Variants in TMEM82 observed in about 807,000 individuals in gnomAD.
TMEM82 encodes the protein transmembrane protein 82.
Under a neutral mutation model 29.2 loss-of-function variants are expected in TMEM82, and 30 were observed. The observed-to-expected ratio is 1.03, with a 90% CI of 0.77 to 1.39. The LOEUF (loss-of-function observed/expected upper bound fraction) is 1.39, where lower values mean the gene tolerates loss of function less well. Ranked by LOEUF, TMEM82 falls within the 40% of genes most tolerant of loss-of-function variation. TMEM82 has a pLI of 0.00. For synonymous variants in TMEM82, 221 were observed against 225.4 expected, an observed-to-expected ratio of 0.98 and a Z score of 0.18; for missense variants, 442 against 447.7, an observed-to-expected ratio of 0.99 and a Z score of 0.12.
At position 15,742,629 on chromosome 1, in the gene TMEM82, C is replaced by T. The variant is rs1449077999; in HGVS notation, c.70C>T (p.Leu24Phe). ...CTCCCTCGAGTGGGGCTCTAGCCTC[C>T]TTGACTCCCTCCTGCAAGGTGAGCA... ...LPSLEWGSSL[L>F]DSLLQGLIGA... Residue 24 changes from leucine (L) to phenylalanine (F), a missense_variant, in exon 1 of 6, where the codon CTT (leucine) becomes TTT (phenylalanine). Leu to Phe is a conservative substitution (Grantham distance 22, BLOSUM62 0). Transcript: ENST00000375782. 2 of 1,610,040 alleles carry T rather than the reference C, an allele frequency of 1.2e-6. No individual in the cohort carries two copies. The highest frequency in any genetic ancestry group is 1.7e-6 in the Non-Finnish European group (2 of 1,179,428).
At chr1:15,742,809 T>TCG (rs755322239) in intron 1 of TMEM82, 26 bp from the exon 2 acceptor site, 1 of 1,605,884 alleles carries the variant, frequency 6.2e-7, no homozygotes, top group Non-Finnish European at 8.5e-7. Context: ...GCACGCTGCC[T>TCG]CGCTGCCTCC....
Position 15,742,882 on chromosome 1 carries a change from G to A in TMEM82, c.136G>A (p.Val46Ile). 2 of 1,612,842 alleles carry A rather than the reference G, an allele frequency of 1.2e-6. No individual in the cohort carries two copies. Among genetic ancestry groups the A allele is most frequent in the Non-Finnish European group, 1.7e-6 (2 of 1,179,950 alleles). Reference protein sequence around the residue: ...GVLVLNSLLKVYFFVGCANDP... With the variant: ...GVLVLNSLLKIYFFVGCANDP... ...CTTGGTCCTGAACAGCCTCCTGAAA[G>A]TTTACTTCTTCGTGGGCTGTGCCAA... Residue 46 changes from valine to isoleucine, a missense_variant, in exon 2 of 6, where the codon GTT becomes ATT. Coordinates refer to ENST00000375782, the MANE Select transcript of TMEM82 (RefSeq NM_001013641.3).
chr1:15,747,767 C>G lies in TMEM82; in HGVS notation c.*135C>G, dbSNP rs1038252964. On this transcript the variant is annotated 3_prime_UTR_variant, in exon 6 of 6. Transcript: ENST00000375782. ...CAGAGCTCAGCACAGGCCCTGGGAG[C>G]CCCGAGAAGGGAAGGCAGGATTTGG... 3 of 729,406 alleles carry G rather than the reference C, an allele frequency of 4.1e-6. No individual in the cohort carries two copies. The East Asian group carries it at 9.3e-5, about 23-fold the overall frequency. The allele number at this position is 729,406 out of a possible 1,614,324, so 45.2% of individuals were successfully genotyped here.
Position 15,743,015 on chromosome 1 carries a change from C to A in TMEM82, c.162-5C>A. The A allele has an allele frequency of 1.9e-6, 3 of 1,598,706 alleles. No homozygotes were observed. The highest frequency in any genetic ancestry group is 1.7e-6 in the Non-Finnish European group (2 of 1,172,044). ...CCCCTGCCCACACCCATTCTGTCCC[C>A]AAAGTGACCCGCAGCGGCGACCCGA... On this transcript the variant is annotated splice_region_variant and splice_polypyrimidine_tract_variant and intron_variant, in intron 2 of 5. Transcript: ENST00000375782.
At position 15,742,616 on chromosome 1, in the gene TMEM82, G is replaced by A; in HGVS notation, c.57G>A (p.Trp19Ter). The change falls in exon 1 of 6, where the codon TGG becomes TGA. Residue 19 changes from tryptophan (W) to a stop codon, truncating the protein, a stop_gained. Coordinates refer to ENST00000375782, the MANE Select transcript of TMEM82 (RefSeq NM_001013641.3). LOFTEE classifies it high-confidence loss of function. ...TCCCCGGCCTCCCCTCCCTCGAGTG[G>A]GGCTCTAGCCTCCTTGACTCCCTCC... is the stretch of plus-strand genomic sequence containing the variant. The part of the protein sequence containing the change: ...SWLPGLPSLE[W>*]GSSLLDSLLQ... 6.2e-7 allele frequency: 1 copy of A among 1,609,106 alleles called. No homozygotes were observed. The highest frequency in any genetic ancestry group is 8.5e-7 in the Non-Finnish European group (1 of 1,178,840).
At chr1:15,743,303 C>T (rs1432316563) in intron 3 of TMEM82, 109 bp downstream of exon 3, 10 of 1,300,254 alleles carry the variant, frequency 7.7e-6, no homozygotes, top group South Asian at 1.5e-5. Context: ...GCCTCTTCGC[C>T]GTATTTTCCG....
In TMEM82 at chr1:15,744,174, C is replaced by T. The variant is rs764636885; in HGVS notation, c.351C>T (p.Ala117=). 18 of 1,562,944 alleles carry T rather than the reference C, an allele frequency of 1.2e-5. No individual in the cohort carries two copies. Among genetic ancestry groups the T allele is most frequent in the Middle Eastern group, 2.3e-4 (1 of 4,390 alleles). ...ACTCCCCGCAGGGCTCCCAGGGTGC[C>T]GCCGAGAGGCTGCAGCTCTACCTGC... ...LLSLGKGSQG[A]AERLQLYLLC... The change falls in exon 4 of 6, where the codon GCC becomes GCT. Residue 117 remains alanine (A), a synonymous_variant. Coordinates refer to ENST00000375782, the MANE Select transcript of TMEM82 (RefSeq NM_001013641.3). The surrounding 1 kb of genome is among the most constrained non-coding windows in gnomAD (Gnocchi z 5.2).
In TMEM82 at chr1:15,746,842, G is replaced by A. The variant is rs770831966; in HGVS notation, c.758-25G>A. The A allele has an allele frequency of 1.5e-5, 23 of 1,539,672 alleles. No individual in the cohort carries two copies. The South Asian group carries it at 2.1e-4, about 14-fold the overall frequency. ...TCCAGTCCGGGGTGTGTGGTCGGAC[G>A]GTGACAGGCACCCGCATCCCACAGA... On this transcript the variant is annotated intron_variant, in intron 4 of 5. Transcript: ENST00000375782.
At position 15,745,665 on chromosome 1, in the gene TMEM82, G is replaced by T. The variant is rs550624135; in HGVS notation, c.757+1085G>T. 1.4e-4 allele frequency among the ~76,000 whole-genome samples: 22 copies of T among 152,082 alleles called. No homozygotes were observed. The East Asian group carries it at 4.3e-3, about 30-fold the overall frequency. ...CCCAGCACTTTGGGAGGCTAAGGCA[G>T]GTGGATCACCTGAGGTCAGGAGTTT... On this transcript the variant is annotated intron_variant, in intron 4 of 5. Transcript: ENST00000375782.
Position 15,743,017 on chromosome 1 carries a change from A to G in TMEM82, c.162-3A>G, listed in dbSNP as rs2068303239. On this transcript the variant is annotated splice_region_variant and splice_polypyrimidine_tract_variant and intron_variant, in intron 2 of 5. Transcript: ENST00000375782. ...CCTGCCCACACCCATTCTGTCCCCA[A>G]AGTGACCCGCAGCGGCGACCCGAAA... The G allele has an allele frequency of 1.0e-5, 16 of 1,598,742 alleles. No homozygotes were observed. The highest frequency in any genetic ancestry group is 3.4e-5 in the Admixed American group (2 of 58,862).
chr1:15,746,375 T>G (rs1328661222), intron 4 of TMEM82, among the ~76,000 whole-genome samples: 1 of 141,644 alleles, frequency 7.1e-6, no homozygotes, highest in Middle Eastern at 3.3e-3. Context: ...ATCATGCCAC[T>G]GCACTCCAGC....
rs756809003 is a variant in TMEM82, at chr1:15,747,660, T to C, written c.*28T>C. ...TGCCTCAGGGAGGATCTGGAGTCTG[T>C]CTCAAGCCCACTAGCCTGATCTCCG... On this transcript the variant is annotated 3_prime_UTR_variant, in exon 6 of 6. Transcript: ENST00000375782. 1 of 1,599,460 alleles carries C rather than the reference T, an allele frequency of 6.3e-7. No homozygotes were observed. Among genetic ancestry groups the C allele is most frequent in the Non-Finnish European group, 8.6e-7 (1 of 1,167,636 alleles).
Position 15,746,977 on chromosome 1 carries a change from G to A in TMEM82, c.868G>A (p.Gly290Ser), listed in dbSNP as rs201249675. ...LTVGRWLDLL[G>S]ILVSLLGELW... ...TGTGGGTCGCTGGCTGGACCTGCTG[G>A]GCATCCTTGTCTCCCTACTGGGCGA... The change falls in exon 5 of 6, where the codon GGC (glycine) becomes AGC (serine). Residue 290 changes from glycine to serine, a missense_variant. Gly to Ser is a moderately conservative substitution (Grantham distance 56). Coordinates refer to ENST00000375782, the MANE Select transcript of TMEM82 (RefSeq NM_001013641.3). The A allele has an allele frequency of 1.9e-6, 3 of 1,612,130 alleles. No homozygotes were observed. The East Asian group carries it at 6.7e-5, about 36-fold the overall frequency.
At position 15,747,758 on chromosome 1, in the gene TMEM82, C is replaced by A. The variant is rs374202323; in HGVS notation, c.*126C>A. 2 of 776,958 alleles carry A rather than the reference C, an allele frequency of 2.6e-6. No homozygotes were observed. The highest frequency in any genetic ancestry group is 3.9e-6 in the Non-Finnish European group (2 of 507,120). 48.1% of individuals were successfully genotyped at this position (776,958 alleles called of 1,614,324 possible). ...CCTCCTGCCCAGAGCTCAGCACAGG[C>A]CCTGGGAGCCCCGAGAAGGGAAGGC... On this transcript the variant is annotated 3_prime_UTR_variant, in exon 6 of 6. Transcript: ENST00000375782.
chr1:15,742,804 C>T (rs1319480455), intron 1 of TMEM82, 31 bp from the exon 2 acceptor site: 1 of 1,604,524 alleles, frequency 6.2e-7, no homozygotes, highest in South Asian at 1.1e-5. Flanking sequence ...CCCCTGCACG[C>T]TGCCTCGCTG....
At chr1:15,746,381 C>T (rs557502019) in intron 4 of TMEM82, among the ~76,000 whole-genome samples, 1 of 148,824 alleles carries the variant, frequency 6.7e-6, no homozygotes, top group South Asian at 2.1e-4. Flanking sequence ...CCACTGCACT[C>T]CAGCCTGGGC....
In TMEM82 at chr1:15,744,530, T is replaced by G. The variant is rs141258276; in HGVS notation, c.707T>G (p.Phe236Cys). ...CTGACCACCTCGGAGGCCATGCGGT[T>G]CTGGACACCGCTCACCATCTGCTAC... ...DFLTTSEAMR[F>C]WTPLTICYTL... Residue 236 changes from phenylalanine to cysteine, a missense_variant, in exon 4 of 6, where the codon TTC becomes TGC. By Grantham distance (205) the Phe-to-Cys change is radical. Transcript: ENST00000375782. This position sits in a 1 kb window ranked among gnomAD's most constrained non-coding sequence, Gnocchi z 5.2. 1 of 1,612,436 alleles carries G rather than the reference T, an allele frequency of 6.2e-7. No homozygotes were observed. The highest frequency in any genetic ancestry group is 1.7e-5 in the Admixed American group (1 of 59,970).
chr1:15,746,837 C>T lies in TMEM82; in HGVS notation c.758-30C>T, dbSNP rs772189700. Reference sequence around the variant, plus strand: ...GGAGGTCCAGTCCGGGGTGTGTGGTCGGACGGTGACAGGCACCCGCATCCC... The same window carrying T: ...GGAGGTCCAGTCCGGGGTGTGTGGTTGGACGGTGACAGGCACCCGCATCCC... On this transcript the variant is annotated intron_variant, in intron 4 of 5. Transcript: ENST00000375782. 20 of 1,531,728 alleles carry T rather than the reference C, an allele frequency of 1.3e-5. No individual in the cohort carries two copies. In the Admixed American group the frequency reaches 2.3e-4, roughly 18 times the overall value. 94.9% of individuals were successfully genotyped at this position (1,531,728 alleles called of 1,614,324 possible). A position where few individuals can be genotyped will look rare whatever the true frequency, so the allele number is the denominator to read the frequency against.
chr1:15,746,794 G>A (rs1266488720), intron 4 of TMEM82, 73 bp from the exon 5 acceptor site: 29 of 1,319,690 alleles, frequency 2.2e-5, no homozygotes, highest in Non-Finnish European at 3.0e-5. Flanking sequence ...ATCCTGTGGA[G>A]GGTGGGTCAG....
Sources: gnomAD v4.1 joint callset for allele counts (sites outside exome capture counted in the v4.1 genomes callset) on GRCh38, gnomAD v4.1.1 for gene constraint, Gnocchi (gnomAD v3.1) non-coding constraint, MANE v1.5 for transcripts, NCBI Gene and HGNC (gene_info 2026-07-23, HGNC 2026-07-21) for gene names.